The following PPHLN1 variants were observed in gnomAD, a reference collection of about 807,000 sequenced individuals.
PPHLN1 encodes periphilin-1.
In PPHLN1, 29 loss-of-function variants were observed where a neutral mutation model predicts 51.3. The observed-to-expected ratio is 0.57, with a 90% confidence interval of 0.42 to 0.77. The LOEUF (loss-of-function observed/expected upper bound fraction) is 0.77. Ranked by LOEUF, PPHLN1 falls within the 30% of genes least tolerant of loss-of-function variation. The pLI is 0.00. For missense variants in PPHLN1, 436 were observed against 438.4 expected (o/e 0.99, Z 0.05); for synonymous variants, 147 against 147.8 (o/e 0.99, Z 0.04).
Position 42,335,914 on chromosome 12 carries a change from G to A in PPHLN1, c.12G>A (p.Glu4=). The A allele has an allele frequency of 6.3e-7, 1 of 1,583,692 alleles. No homozygotes were observed. ...ACAGAAGAGACGAAATGTGGTCTGA[G>A]GGACGATATGAATATGAAAGAATTC... MWS[E]GRYEYERIPR... is the part of the protein sequence containing the mutation. Residue 4 remains glutamate, a synonymous_variant, in exon 2 of 10, where the codon GAG becomes GAA. Transcript: ENST00000358314.
intron 2 of PPHLN1, among the ~76,000 whole-genome samples, chr12:42,350,962 A>C (rs2073260884): frequency 6.7e-6 from 1 of 148,416 alleles, no homozygotes; most frequent in African/African-American, 2.6e-5. Flanking sequence ...AAAGCAGGAG[A>C]CGGAGAGGAG....
rs765968583 is a variant in PPHLN1 at position 42,393,651 on chromosome 12, T to C, written c.730T>C (p.Ser244Pro). 2 of 1,610,590 alleles carry C rather than the reference T, an allele frequency of 1.2e-6. No homozygotes were observed. The highest frequency in any genetic ancestry group is 4.5e-5 in the East Asian group (2 of 44,680). ...SKWAAEKLEK[S>P]DESNLPEISE... ...GTGGGCTGCTGAAAAGCTAGAGAAATCAGATGAAAGTAACTTGCCTGAAAT... is the reference window on the plus strand; with the variant it reads ...GTGGGCTGCTGAAAAGCTAGAGAAACCAGATGAAAGTAACTTGCCTGAAAT... The change falls in exon 8 of 10, where the codon TCA (serine) becomes CCA (proline). Residue 244 changes from serine (S) to proline (P), a missense_variant. By Grantham distance (74) the Ser-to-Pro change is moderately conservative (BLOSUM62 -1). Transcript: ENST00000358314.
At chr12:42,358,462 C>G (rs897102747) in intron 4 of PPHLN1, among the ~76,000 whole-genome samples, 1 of 152,178 alleles carries the variant, frequency 6.6e-6, no homozygotes, top group Non-Finnish European at 1.5e-5. Flanking sequence ...GTGATCATGG[C>G]TCCCTGTAGC....
At chr12:42,382,570 A>C (rs1027569896) in intron 5 of PPHLN1, among the ~76,000 whole-genome samples, 3 of 152,218 alleles carry the variant, frequency 2.0e-5, no homozygotes, top group African/African-American at 7.2e-5. Context: ...GCTAACGAGT[A>C]GCAAGCCTGT....
At chr12:42,437,318 G>C (rs757734872) in intron 9 of PPHLN1, among the ~76,000 whole-genome samples, 40 of 152,184 alleles carry the variant, frequency 2.6e-4, no homozygotes, top group East Asian at 3.9e-4. Flanking sequence ...CAGAACAGTT[G>C]TTTCTCCTCT....
At chr12:42,436,407 T>C (rs1363419895) in intron 9 of PPHLN1, among the ~76,000 whole-genome samples, 1 of 152,222 alleles carries the variant, frequency 6.6e-6, no homozygotes, top group African/African-American at 2.4e-5. Flanking sequence ...AAAATCAATC[T>C]CTTCCTCACT....
At chr12:42,447,854 A>G (rs1245910610), downstream of PPHLN1, 2 of 152,170 alleles carry the variant, frequency 1.3e-5, no homozygotes, top group East Asian at 3.8e-4. Context: ...CTAATTGAGG[A>G]CAATTTTTTT....
chr12:42,364,387 TG>T (rs2075038914), intron 4 of PPHLN1, among the ~76,000 whole-genome samples: 1 of 152,070 alleles, frequency 6.6e-6, no homozygotes, highest in African/African-American at 2.4e-5. Context: ...CCCAGTACTT[TG>T]GGAGGCTGAA....
intron 9 of PPHLN1, among the ~76,000 whole-genome samples, chr12:42,427,635 C>T (rs917851733): frequency 3.3e-5 from 5 of 152,150 alleles, no homozygotes; most frequent in East Asian, 3.8e-4. Flanking sequence ...CTTACATCTA[C>T]GACCTGAAAC....
chr12:42,379,929 TC>T (rs1369214804), intron 5 of PPHLN1, among the ~76,000 whole-genome samples: 1 of 152,062 alleles, frequency 6.6e-6, no homozygotes, highest in African/African-American at 2.4e-5. Context: ...CCTCTAGAGA[TC>T]TGTTAACCTG....
chr12:42,353,162 G>A (rs1481311048), intron 3 of PPHLN1, among the ~76,000 whole-genome samples: 1 of 152,110 alleles, frequency 6.6e-6, no homozygotes, highest in Non-Finnish European at 1.5e-5. Flanking sequence ...TAATGTAGAA[G>A]TATGTATTTA....
At chr12:42,331,183 G>T (rs551547324) in intron 1 of PPHLN1, among the ~76,000 whole-genome samples, 4 of 152,340 alleles carry the variant, frequency 2.6e-5, no homozygotes, top group East Asian at 1.9e-4. Context: ...TTGCTGTTCA[G>T]TAACTCTAGT....
rs189537746 is a variant in PPHLN1 at position 42,429,381 on chromosome 12, G to A, written c.910-11934G>A. On this transcript the variant is annotated intron_variant, in intron 9 of 9. Transcript: ENST00000358314. ...TAAGAATTTGGTCTTTGCCTTACCTGCTCATGTCTAGCTCCATTTTGATTG... is the reference window on the plus strand; with the variant it reads ...TAAGAATTTGGTCTTTGCCTTACCTACTCATGTCTAGCTCCATTTTGATTG... 2.6e-3 allele frequency among the ~76,000 whole-genome samples: 397 copies of A among 152,236 alleles called. 1 individual carries two copies. The highest frequency in any genetic ancestry group is 9.1e-3 in the African/African-American group (379 of 41,522).
Position 42,441,695 on chromosome 12 carries a change from A to G in PPHLN1, c.*186A>G. On this transcript the variant is annotated 3_prime_UTR_variant, in exon 10 of 10. Transcript: ENST00000358314. ...TAAAATGTTTGATTCAAATTTTTGT[A>G]TTTTTTGTAGAGATGGGGTTCACCA... is the stretch of plus-strand genomic sequence containing the variant. 1 of 1,274,628 alleles carries G rather than the reference A, an allele frequency of 7.8e-7. No homozygotes were observed. Among genetic ancestry groups the G allele is most frequent in the South Asian group, 2.3e-5 (1 of 43,900 alleles). The allele number at this position is 1,274,628 out of a possible 1,614,324, so 79.0% of individuals were successfully genotyped here.
chr12:42,367,950 G>A (rs2075430522), intron 4 of PPHLN1, among the ~76,000 whole-genome samples: 1 of 152,140 alleles, frequency 6.6e-6, no homozygotes, highest in South Asian at 2.1e-4. Context: ...GGCCAGGCTG[G>A]TGTCGAACTC....
chr12:42,345,241 A>G (rs1054915081), intron 2 of PPHLN1, among the ~76,000 whole-genome samples: 2 of 152,176 alleles, frequency 1.3e-5, no homozygotes, highest in African/African-American at 4.8e-5. Flanking sequence ...AATTCTTATT[A>G]CACACACTTA....
At chr12:42,397,307 A>C (rs1402847871) in intron 8 of PPHLN1, among the ~76,000 whole-genome samples, 3 of 152,122 alleles carry the variant, frequency 2.0e-5, no homozygotes, top group Non-Finnish European at 2.9e-5. Flanking sequence ...GCCACTTTAT[A>C]TTTCATTGAT....
intron 9 of PPHLN1, 69 bp from the exon 10 acceptor site, chr12:42,441,246 A>T: frequency 6.7e-7 from 1 of 1,488,112 alleles, no homozygotes; most frequent in South Asian, 1.5e-5. Context: ...AATTCTGCCA[A>T]CTCAGTTAGC....
At chr12:42,396,197 G>A (rs192175804) in intron 8 of PPHLN1, among the ~76,000 whole-genome samples, 5 of 152,116 alleles carry the variant, frequency 3.3e-5, no homozygotes, top group South Asian at 2.1e-4. Context: ...TATGTTCATC[G>A]GTGTTCAGTA....
Sources: allele counts gnomAD v4.1 joint callset (sites outside exome capture counted in the v4.1 genomes callset), GRCh38; gene constraint gnomAD v4.1.1; transcripts MANE v1.5; gene names NCBI Gene and HGNC (gene_info 2026-07-23, HGNC 2026-07-21).